ZNF2: variants seen among roughly 807,000 people sequenced by gnomAD.
ZNF2 encodes the protein zinc finger protein 2.2.
In ZNF2, 12 loss-of-function variants were observed where a neutral mutation model predicts 21.9. The ratio of observed to expected loss-of-function variants is 0.55; its 90% CI spans 0.35 to 0.89. ZNF2 has a LOEUF of 0.89. ZNF2 is among the 40% of genes least tolerant of loss of function. The probability of loss-of-function intolerance (pLI) is 0.01; values close to 1 mark genes in which losing one functional copy is unlikely to be tolerated. For missense variants in ZNF2, 462 were observed against 544.2 expected (o/e 0.85, Z 1.50); for synonymous variants, 186 against 196.3 (o/e 0.95, Z 0.44).
chr2:95,171,373 C>A (rs990266230), intron 1 of ZNF2, among the ~76,000 whole-genome samples: 8 of 147,234 alleles, frequency 5.4e-5, no homozygotes. Flanking sequence ...GTCTGTTTTT[C>A]TTCTTCTTCT....
intron 4 of ZNF2, among the ~76,000 whole-genome samples, chr2:95,180,804 C>G (rs537074570): frequency 6.6e-6 from 1 of 152,270 alleles, no homozygotes; most frequent in Non-Finnish European, 1.5e-5. Context: ...GCCACCATGC[C>G]CAGCCACACT....
chr2:95,169,749 C>CA (rs371929939), intron 1 of ZNF2, among the ~76,000 whole-genome samples: 15 of 151,152 alleles, frequency 9.9e-5, no homozygotes, highest in South Asian at 2.1e-4. Flanking sequence ...GACCCTGTCT[C>CA]AAAAAAAACA....
intron 1 of ZNF2, among the ~76,000 whole-genome samples, chr2:95,175,021 C>T (rs1674393530): frequency 6.6e-6 from 1 of 152,106 alleles, no homozygotes; most frequent in Non-Finnish European, 1.5e-5. Context: ...GGATTTAATG[C>T]TCTTGTTTTA....
At chr2:95,168,981 T>C (rs1440502183) in intron 1 of ZNF2, among the ~76,000 whole-genome samples, 1 of 152,216 alleles carries the variant, frequency 6.6e-6, no homozygotes, top group Non-Finnish European at 1.5e-5. Context: ...CGTTTGAAGA[T>C]ATAGACTGAA....
At chr2:95,177,324 GAGGCCA>G (rs1475268704) in intron 2 of ZNF2, among the ~76,000 whole-genome samples, 153 bp from the exon 3 acceptor site, 2 of 120,468 alleles carry the variant, frequency 1.7e-5, no homozygotes, top group Admixed American at 1.6e-4. Flanking sequence ...CTTGGGTGAT[GAGGCCA>G]CTTTTCCCAA....
intron 1 of ZNF2, among the ~76,000 whole-genome samples, chr2:95,169,531 G>A (rs1172181997): frequency 2.0e-5 from 3 of 152,164 alleles, no homozygotes; most frequent in African/African-American, 7.2e-5. Context: ...AAGGTGGGGA[G>A]ATCACCTGAG....
At position 95,182,117 on chromosome 2, in the gene ZNF2, A is replaced by G; in HGVS notation, c.*11A>G. 9.5e-6 allele frequency: 15 copies of G among 1,581,902 alleles called. No homozygotes were observed. Among genetic ancestry groups the G allele is most frequent in the Non-Finnish European group, 1.3e-5 (15 of 1,161,910 alleles). ...CAGGGAATAGACTGAGTTGGGCAAA[A>G]GCTTGGGTAGGACAAGAACTTCCAT... On this transcript the variant is annotated 3_prime_UTR_variant, in exon 5 of 5. Transcript: ENST00000614034.
chr2:95,176,628 G>A (rs1674452443), intron 2 of ZNF2, among the ~76,000 whole-genome samples: 1 of 152,196 alleles, frequency 6.6e-6, no homozygotes, highest in African/African-American at 2.4e-5. Context: ...CAGGGAGTGT[G>A]GGGCTAGGCT....
intron 3 of ZNF2, among the ~76,000 whole-genome samples, chr2:95,179,499 T>C (rs182571202): frequency 6.6e-6 from 1 of 152,322 alleles, no homozygotes; most frequent in Non-Finnish European, 1.5e-5. Flanking sequence ...TTGGATACAC[T>C]TTTTACTCAA....
At chr2:95,175,062 G>T (rs1449364751) in intron 1 of ZNF2, among the ~76,000 whole-genome samples, 1 of 152,124 alleles carries the variant, frequency 6.6e-6, no homozygotes, top group Non-Finnish European at 1.5e-5. Context: ...TATAGAGACA[G>T]AGGTCTTGCT....
chr2:95,179,184 G>T (rs1674551779), intron 3 of ZNF2, among the ~76,000 whole-genome samples: 1 of 152,134 alleles, frequency 6.6e-6, no homozygotes, highest in South Asian at 2.1e-4. Flanking sequence ...TAGAGACAGG[G>T]TTTCACCATG....
Position 95,176,183 on chromosome 2 carries a change from A to G in ZNF2, c.-39-5A>G, listed in dbSNP as rs1273796028. ...CTTTCTCACCCCCCACTTCTGCCTC[A>G]TTAGGACTCTGCCCTTGTCCACAAG... On this transcript the variant is annotated splice_region_variant and splice_polypyrimidine_tract_variant and intron_variant, in intron 1 of 4. Coordinates refer to ENST00000614034, the MANE Select transcript of ZNF2 (RefSeq NM_021088.4). 1.9e-6 allele frequency: 3 copies of G among 1,613,834 alleles called. No homozygotes were observed. The highest frequency in any genetic ancestry group is 2.5e-6 in the Non-Finnish European group (3 of 1,179,876).
rs768922677 is a variant in ZNF2 at position 95,180,238 on chromosome 2, TGAG to T, written c.244_246del (p.Glu82del). 1 of 1,614,024 alleles carries T rather than the reference TGAG, an allele frequency of 6.2e-7. No homozygotes were observed. Among genetic ancestry groups the T allele is most frequent in the South Asian group, 1.1e-5 (1 of 91,074 alleles). On this transcript the variant is annotated inframe_deletion, in exon 4 of 5. Coordinates refer to ENST00000614034, the MANE Select transcript of ZNF2 (RefSeq NM_021088.4). Reference sequence around the variant, plus strand: ...CGTGGATGGTAGATCTTCATGGGTCTGAGGAGAGAGAATGGCCAGAGAGTGTCT... The same window carrying T: ...CGTGGATGGTAGATCTTCATGGGTCTGAGAGAGAATGGCCAGAGAGTGTCT...
chr2:95,180,540 C>T (rs1198427779), intron 4 of ZNF2, among the ~76,000 whole-genome samples: 2 of 148,282 alleles, frequency 1.3e-5, no homozygotes, highest in African/African-American at 2.5e-5. Flanking sequence ...GACAGAGTCT[C>T]GCTCTGTTGC....
At chr2:95,177,425 G>A (rs1327509529) in intron 2 of ZNF2, 58 bp from the exon 3 acceptor site, 14 of 1,576,712 alleles carry the variant, frequency 8.9e-6, no homozygotes, top group Admixed American at 7.1e-5. Context: ...GACATTTTTG[G>A]TCTGGTCCAA....
chr2:95,183,418 T>C lies in ZNF2; in HGVS notation c.*1312T>C, dbSNP rs575172138. On this transcript the variant is annotated 3_prime_UTR_variant, in exon 5 of 5. Transcript: ENST00000614034. ...ATACCAAGAACCTCTCTCACAGTTATATTTTGCATACTACTGTTAAGCCAG... is the reference window on the plus strand; with the variant it reads ...ATACCAAGAACCTCTCTCACAGTTACATTTTGCATACTACTGTTAAGCCAG... 2.0e-5 allele frequency: 3 copies of C among 152,312 alleles called. No individual in the cohort carries two copies. Among genetic ancestry groups the C allele is most frequent in the South Asian group, 2.1e-4 (1 of 4,824 alleles). The allele number at this position is 152,312 out of a possible 1,614,324, so 9.4% of individuals were successfully genotyped here.
rs576510581 is a variant in ZNF2, at chr2:95,171,486, G to A, written c.-39-4702G>A. On this transcript the variant is annotated intron_variant, in intron 1 of 4. Transcript: ENST00000614034. ...CAACCTTTGCCTCCCGGGTTTGAGCGATTCTCCTGCCTCAGCCTCCCAAGT... is the reference window on the plus strand; with the variant it reads ...CAACCTTTGCCTCCCGGGTTTGAGCAATTCTCCTGCCTCAGCCTCCCAAGT... Among the ~76,000 whole-genome samples, 8 of 151,650 alleles carry A rather than the reference G, an allele frequency of 5.3e-5. No homozygotes were observed. The South Asian group carries it at 1.0e-3, about 20-fold the overall frequency.
chr2:95,172,390 G>A (rs1458295918), intron 1 of ZNF2, among the ~76,000 whole-genome samples: 1 of 152,102 alleles, frequency 6.6e-6, no homozygotes, highest in East Asian at 1.9e-4. Context: ...TCTCAGGTCT[G>A]CTGTGACTTT....
chr2:95,167,663 C>T (rs545522975), intron 1 of ZNF2, among the ~76,000 whole-genome samples: 5 of 151,574 alleles, frequency 3.3e-5, no homozygotes, highest in Non-Finnish European at 7.4e-5. Flanking sequence ...GCCTGGCCAA[C>T]ATGGTGAAAC....
Sources: gnomAD v4.1 joint callset for allele counts (sites outside exome capture counted in the v4.1 genomes callset) on GRCh38, gnomAD v4.1.1 for gene constraint, MANE v1.5 for transcripts, NCBI Gene and HGNC (gene_info 2026-07-23, HGNC 2026-07-21) for gene names.